GARNL3: variants seen among roughly 807,000 people sequenced by gnomAD.
GARNL3 encodes the protein GTPase activating Rap/RanGAP domain like 3.
In GARNL3, 63 loss-of-function variants were observed where a neutral mutation model predicts 125.0. The ratio of observed to expected loss-of-function variants is 0.50; its 90% CI spans 0.41 to 0.62. The LOEUF (loss-of-function observed/expected upper bound fraction) is 0.62, where lower values mean the gene tolerates loss of function less well. Ranked by LOEUF, GARNL3 falls within the 20% of genes least tolerant of loss-of-function variation. The pLI, the probability that GARNL3 is intolerant of heterozygous loss-of-function variation, is 0.00. For missense variants in GARNL3, 994 were observed against 1,244.0 expected (o/e 0.80, Z 3.02); for synonymous variants, 439 against 457.5 (o/e 0.96, Z 0.52).
intron 2 of GARNL3, among the ~76,000 whole-genome samples, chr9:127,310,374 T>C (rs1184735843): frequency 1.3e-5 from 2 of 152,108 alleles, no homozygotes; most frequent in African/African-American, 4.8e-5. Context: ...TGCAATCTAT[T>C]TCAAAGATTT....
chr9:127,263,362 G>A (rs2063632029), upstream of GARNL3, among the ~76,000 whole-genome samples: 1 of 152,146 alleles, frequency 6.6e-6, no homozygotes, highest in Non-Finnish European at 1.5e-5. Flanking sequence ...TTCCTAGTGG[G>A]CCTGGCTGAA....
intron 11 of GARNL3, among the ~76,000 whole-genome samples, chr9:127,337,207 C>T (rs1209740988): frequency 6.6e-6 from 1 of 152,158 alleles, no homozygotes; most frequent in African/African-American, 2.4e-5. Flanking sequence ...CTGCCCCTGT[C>T]CCCTGGGATT....
At chr9:127,390,528 C>A in intron 26 of GARNL3, 113 bp from the exon 27 acceptor site, 1 of 905,096 alleles carries the variant, frequency 1.1e-6, no homozygotes, top group Non-Finnish European at 1.7e-6. Flanking sequence ...CATCTTTCTT[C>A]CTGACTCTAG....
chr9:127,226,738 G>C (rs774977571), intron 1 of GARNL3, among the ~76,000 whole-genome samples: 1 of 152,150 alleles, frequency 6.6e-6, no homozygotes, highest in Non-Finnish European at 1.5e-5. Flanking sequence ...ATAACACTGC[G>C]TGTAGTTACC....
At chr9:127,387,692 G>A (rs1183265023) in intron 25 of GARNL3, among the ~76,000 whole-genome samples, 2 of 148,796 alleles carry the variant, frequency 1.3e-5, no homozygotes, top group African/African-American at 5.0e-5. Context: ...GCAGTGAGCC[G>A]AGAGCACGCC....
At chr9:127,310,205 G>A (rs964156312) in intron 2 of GARNL3, among the ~76,000 whole-genome samples, 4 of 152,084 alleles carry the variant, frequency 2.6e-5, no homozygotes, top group African/African-American at 9.7e-5. Context: ...AAACAGTTTC[G>A]TTAATGCTGG....
intron 2 of GARNL3, among the ~76,000 whole-genome samples, chr9:127,257,978 A>G (rs144776812): frequency 1.3e-4 from 20 of 152,264 alleles, no homozygotes; most frequent in African/African-American, 4.8e-4. Flanking sequence ...CAGTCCTCCC[A>G]TGGAGACAGA....
intron 1 of GARNL3, among the ~76,000 whole-genome samples, chr9:127,279,743 A>G (rs1351070035): frequency 2.0e-5 from 3 of 152,092 alleles, no homozygotes; most frequent in Admixed American, 6.5e-5. Context: ...ATTTTTTCAT[A>G]GCCCCCATTT....
At chr9:127,275,345 T>C (rs1007600469) in intron 1 of GARNL3, among the ~76,000 whole-genome samples, 1 of 152,220 alleles carries the variant, frequency 6.6e-6, no homozygotes, top group Non-Finnish European at 1.5e-5. Flanking sequence ...TAAGAGCTCT[T>C]TTTTTAGGCC....
In GARNL3 at chr9:127,318,103, C is replaced by A. The variant is rs2065291017; in HGVS notation, c.479C>A (p.Thr160Asn). ...TGCCTTCCCTACAGTCCCACAAAAACTCTTTCTGTGAAGTCCATCTTAAGG... is the reference window on the plus strand; with the variant it reads ...TGCCTTCCCTACAGTCCCACAAAAAATCTTTCTGTGAAGTCCATCTTAAGG... ...KICLPYSPTK[T>N]LSVKSILSAM... Residue 160 changes from threonine (T) to asparagine (N), a missense_variant, in exon 5 of 28, where the codon ACT (threonine) becomes AAT (asparagine). Thr to Asn is a moderately conservative substitution (Grantham distance 65, BLOSUM62 0). Transcript: ENST00000373387. 4 of 1,609,236 alleles carry A rather than the reference C, an allele frequency of 2.5e-6. No homozygotes were observed. Among genetic ancestry groups the A allele is most frequent in the Non-Finnish European group, 3.4e-6 (4 of 1,175,514 alleles).
chr9:127,306,651 C>T (rs926314544), intron 2 of GARNL3, among the ~76,000 whole-genome samples: 15 of 151,218 alleles, frequency 9.9e-5, no homozygotes, highest in Non-Finnish European at 7.4e-5. Flanking sequence ...GGCGTGAACC[C>T]GGGAGGTGGA....
chr9:127,382,450 T>G (rs184715915), intron 22 of GARNL3, among the ~76,000 whole-genome samples: 25 of 151,408 alleles, frequency 1.7e-4, no homozygotes, highest in Non-Finnish European at 2.9e-4. Flanking sequence ...TTGTCTCTAC[T>G]GAAAAAAAAA....
At chr9:127,248,431 AG>A (rs1018412741) in intron 2 of GARNL3, among the ~76,000 whole-genome samples, 1 of 152,158 alleles carries the variant, frequency 6.6e-6, no homozygotes, top group Non-Finnish European at 1.5e-5. Flanking sequence ...CTGACCTGGC[AG>A]GTGCCTGCCT....
rs1829654925 is a variant in GARNL3, at chr9:127,338,149, A to G, written c.1016A>G (p.Asn339Ser). Reference sequence around the variant, plus strand: ...GCCTTAGTGAGATACAATCAACAAAATGACAATTACAGGTAGGTAATGACT... The same window carrying G: ...GCCTTAGTGAGATACAATCAACAAAGTGACAATTACAGGTAGGTAATGACT... ...IFALVRYNQQ[N>S]DNYRLKIFSE... Residue 339 changes from asparagine to serine, a missense_variant, in exon 12 of 28, where the codon AAT becomes AGT. Coordinates refer to ENST00000373387, the MANE Select transcript of GARNL3 (RefSeq NM_032293.5). 1 of 1,611,410 alleles carries G rather than the reference A, an allele frequency of 6.2e-7. No individual in the cohort carries two copies. The highest frequency in any genetic ancestry group is 8.5e-7 in the Non-Finnish European group (1 of 1,177,500).
At chr9:127,294,165 A>G (rs2064511968) in intron 2 of GARNL3, among the ~76,000 whole-genome samples, 2 of 152,178 alleles carry the variant, frequency 1.3e-5, no homozygotes. Context: ...CCAAAATCCA[A>G]ATTCAATTTT....
chr9:127,357,319 A>C lies in GARNL3; in HGVS notation c.2036A>C (p.Asp679Ala). The C allele has an allele frequency of 6.2e-7, 1 of 1,614,208 alleles. No homozygotes were observed. The highest frequency in any genetic ancestry group is 8.5e-7 in the Non-Finnish European group (1 of 1,180,040). Residue 679 changes from aspartate (D) to alanine (A), a missense_variant, in exon 21 of 28, where the codon GAT becomes GCT. Physicochemically the swap from Asp to Ala is moderately radical, Grantham distance 126. Around this residue, in one of 5 missense-constraint regions of GARNL3, gnomAD observed 728 missense variants for 865.7 expected, o/e 0.84. Coordinates refer to ENST00000373387, the MANE Select transcript of GARNL3 (RefSeq NM_032293.5). ...LICVAYRHQFDVVNESTGEAF... is the reference protein window; with the variant it reads ...LICVAYRHQFAVVNESTGEAF... The stretch of plus-strand genomic sequence containing the variant: ...TGTGTGGCTTATCGACACCAATTTG[A>C]TGTGGTGAATGAGAGCACAGGAGAA...
chr9:127,385,092 G>T lies in GARNL3; in HGVS notation c.2335G>T (p.Gly779Trp), dbSNP rs981906921. ...CATGGAGATCCGCCTGGTGGTGAAC[G>T]GGAACCTGGTCCACACTGCAGTCGT... Reference protein sequence around the residue: ...DSMEIRLVVNGNLVHTAVVPQ... With the variant: ...DSMEIRLVVNWNLVHTAVVPQ... The change falls in exon 24 of 28, where the codon GGG becomes TGG. Residue 779 changes from glycine to tryptophan, a missense_variant. This residue lies in a region of GARNL3 where 728 missense variants were observed against 865.7 expected (regional missense o/e 0.84). Transcript: ENST00000373387. This position sits in a 1 kb window ranked among gnomAD's most constrained non-coding sequence, Gnocchi z 4.1. 3 of 1,612,914 alleles carry T rather than the reference G, an allele frequency of 1.9e-6. No individual in the cohort carries two copies. Among genetic ancestry groups the T allele is most frequent in the Middle Eastern group, 3.3e-4 (2 of 6,044 alleles).
At chr9:127,267,599 G>A (rs919538635) in intron 1 of GARNL3, among the ~76,000 whole-genome samples, 2 of 152,190 alleles carry the variant, frequency 1.3e-5, no homozygotes, top group Non-Finnish European at 2.9e-5. Context: ...GGTCAGGAAG[G>A]TTGGGAAAAG....
intron 13 of GARNL3, among the ~76,000 whole-genome samples, chr9:127,340,528 G>T (rs1829808490): frequency 6.6e-6 from 1 of 151,838 alleles, no homozygotes; most frequent in Non-Finnish European, 1.5e-5. Flanking sequence ...TGCCAGGTAT[G>T]CTGGGCATTG....
Sources: allele counts gnomAD v4.1 joint callset (sites outside exome capture counted in the v4.1 genomes callset), GRCh38; gene constraint gnomAD v4.1.1; regional missense constraint gnomAD v4.1.1; non-coding constraint Gnocchi (gnomAD v3.1); transcripts MANE v1.5; gene names NCBI Gene and HGNC (gene_info 2026-07-23, HGNC 2026-07-21).